Variants in NPEPL1 observed in about 807,000 individuals in gnomAD.
The protein encoded by NPEPL1 is aminopeptidase like 1.
In NPEPL1, 45 loss-of-function variants were observed where a neutral mutation model predicts 52.4. That is an observed-to-expected ratio of 0.86 (90% CI 0.68 to 1.10). NPEPL1 has a LOEUF of 1.10. NPEPL1 is among the 50% of genes least tolerant of loss of function. The pLI is 0.00. For missense variants in NPEPL1, 696 were observed against 710.9 expected (o/e 0.98, Z 0.24); for synonymous variants, 360 against 314.7 (o/e 1.14, Z -1.52).
chr20:58,711,226 C>T (rs113108363), intron 7 of NPEPL1: 5,246 of 151,560 alleles, frequency 0.035, 130 homozygotes, highest in Non-Finnish European at 0.051. Context: ...ATCTCTGTGG[C>T]GTCCATGGCC....
upstream of NPEPL1, chr20:58,692,066 TC>T: frequency 1.8e-6 from 1 of 570,368 alleles, no homozygotes; most frequent in Non-Finnish European, 3.1e-6. This position sits in a 1 kb window ranked among gnomAD's most constrained non-coding sequence, Gnocchi z 5.7. Flanking sequence ...TCTCATCTCG[TC>T]CCTCCTTTCC....
At chr20:58,703,433 T>G in intron 6 of NPEPL1, 1 of 983,522 alleles carries the variant, frequency 1.0e-6, no homozygotes, top group East Asian at 1.1e-4. Flanking sequence ...GTGCACCCCC[T>G]ACTGCCTGCA....
chr20:58,700,662 A>G (rs1446181382), intron 5 of NPEPL1, among the ~76,000 whole-genome samples: 1 of 152,228 alleles, frequency 6.6e-6, no homozygotes, highest in Non-Finnish European at 1.5e-5. Flanking sequence ...GGATTCAGGA[A>G]GTGGGGACGA....
At chr20:58,691,458 G>C (rs2084342335), upstream of NPEPL1, 1 of 523,402 alleles carries the variant, frequency 1.9e-6, no homozygotes, top group Non-Finnish European at 3.5e-6. Context: ...AAGTCAAAAA[G>C]ACCTGCCTTC....
At chr20:58,712,283 C>A (rs185092850) in intron 7 of NPEPL1, among the ~76,000 whole-genome samples, 196 bp from the exon 8 acceptor site, 1,605 of 152,278 alleles carry the variant, frequency 0.011, 18 homozygotes, top group Middle Eastern at 0.037. Flanking sequence ...GGCTAGGAAA[C>A]CCCAGTGGTG....
chr20:58,703,882 C>CT (rs1891590984), intron 6 of NPEPL1: 1 of 985,256 alleles, frequency 1.0e-6, no homozygotes, highest in Non-Finnish European at 1.2e-6. Flanking sequence ...GAAAATGCGA[C>CT]TATAGCCCCT....
chr20:58,698,654 G>A (rs1323480977), intron 3 of NPEPL1, 30 bp from the exon 4 acceptor site: 2 of 1,587,846 alleles, frequency 1.3e-6, no homozygotes, highest in African/African-American at 1.3e-5. Context: ...CCTCCCACCT[G>A]GTCCCCAGTG....
chr20:58,698,896 C>A, intron 4 of NPEPL1, 123 bp downstream of exon 4: 3 of 820,540 alleles, frequency 3.7e-6, no homozygotes, highest in South Asian at 1.7e-5. Flanking sequence ...CTCAGGGCTG[C>A]CCTCGGCGGA....
intron 3 of NPEPL1, among the ~76,000 whole-genome samples, chr20:58,695,062 GCA>G (rs2084442895): frequency 2.4e-5 from 3 of 123,596 alleles, no homozygotes; most frequent in African/African-American, 3.1e-5. Flanking sequence ...GCTGGTGTGT[GCA>G]TGAGTGGTGT....
In NPEPL1 at chr20:58,693,924, T is replaced by C; in HGVS notation, c.336+2T>C. ...CCCGGAGCGCATCGCTGCATTGTGGTGAGTGCTTCGAGAGGAGGCAGCCAC... is the reference window on the plus strand; with the variant it reads ...CCCGGAGCGCATCGCTGCATTGTGGCGAGTGCTTCGAGAGGAGGCAGCCAC... On this transcript the variant is annotated splice_donor_variant, in intron 2 of 11. Transcript: ENST00000356091. LOFTEE classifies it high-confidence loss of function. 6.3e-7 allele frequency: 1 copy of C among 1,582,914 alleles called. No individual in the cohort carries two copies. The highest frequency in any genetic ancestry group is 2.3e-5 in the East Asian group (1 of 43,018).
At chr20:58,714,314 C>A in intron 10 of NPEPL1, 1 of 620,280 alleles carries the variant, frequency 1.6e-6, no homozygotes, top group Non-Finnish European at 2.7e-6. Flanking sequence ...GTTTCTCCCC[C>A]AGTCTTGGGT....
At chr20:58,704,566 AAAT>A (rs1272325613) in intron 6 of NPEPL1, among the ~76,000 whole-genome samples, 15 of 152,242 alleles carry the variant, frequency 9.9e-5, no homozygotes, top group African/African-American at 3.4e-4. Flanking sequence ...CAAAATGAAA[AAAT>A]AATTTACTGA....
chr20:58,690,211 A>C (rs1291896297), upstream of NPEPL1, among the ~76,000 whole-genome samples: 1 of 152,260 alleles, frequency 6.6e-6, no homozygotes, highest in Non-Finnish European at 1.5e-5. Flanking sequence ...AGAAGTTTTT[A>C]ATCTTTTCTT....
chr20:58,694,812 G>A (rs539509628), intron 3 of NPEPL1, among the ~76,000 whole-genome samples: 1 of 152,186 alleles, frequency 6.6e-6, no homozygotes, highest in Non-Finnish European at 1.5e-5. Flanking sequence ...TTGTATACAG[G>A]CAGTGTTTGT....
chr20:58,691,364 CTTTTTTTTTTTTTTTTTTT>C (rs59929508), upstream of NPEPL1: 796 of 177,032 alleles, frequency 4.5e-3, 2 homozygotes, highest in Non-Finnish European at 6.0e-3. Flanking sequence ...CATTCAACAG[CTTTTTTTTTTTTTTTTTTT>C]TTTTTTTTTT....
chr20:58,699,175 T>G, intron 4 of NPEPL1, 22 bp from the exon 5 acceptor site: 1 of 1,571,282 alleles, frequency 6.4e-7, no homozygotes. Context: ...TGTGCTGTTG[T>G]TTTTTCCATG....
At chr20:58,691,363 GCTTTTTTTTTTTTT>G, upstream of NPEPL1, 1 of 248,680 alleles carries the variant, frequency 4.0e-6, no homozygotes, top group Non-Finnish European at 7.3e-6. Flanking sequence ...TCATTCAACA[GCTTTTTTTTTTTTT>G]TTTTTTTTTT....
intron 7 of NPEPL1, among the ~76,000 whole-genome samples, chr20:58,709,458 T>A (rs2123138221): frequency 6.6e-6 from 1 of 152,126 alleles, no homozygotes; most frequent in African/African-American, 2.4e-5. Context: ...GCAGAGGTAG[T>A]GATGGAAACA....
chr20:58,695,482 T>C (rs1473740599), intron 3 of NPEPL1, among the ~76,000 whole-genome samples: 3 of 152,236 alleles, frequency 2.0e-5, no homozygotes, highest in African/African-American at 7.2e-5. Context: ...ATCAGGCTCC[T>C]GTCCCCACGG....
Sources: allele counts gnomAD v4.1 joint callset (sites outside exome capture counted in the v4.1 genomes callset), GRCh38; gene constraint gnomAD v4.1.1; non-coding constraint Gnocchi (gnomAD v3.1); transcripts MANE v1.5; gene names NCBI Gene and HGNC (gene_info 2026-07-23, HGNC 2026-07-21).